Variants in CNTN4 observed in about 807,000 individuals in gnomAD.
CNTN4 encodes the protein contactin-4.
A neutral mutation model predicts 122.5 loss-of-function variants in CNTN4; 77 were observed. The observed-to-expected ratio is 0.63, with a 90% CI of 0.52 to 0.76. CNTN4 has a LOEUF of 0.76. Among genes scored for constraint, CNTN4 ranks in the 30% least tolerant of loss-of-function variants. CNTN4 has a pLI of 0.00. For synonymous variants in CNTN4, 512 were observed against 447.0 expected (o/e 1.15, Z -1.83); for missense variants, 1,256 against 1,259.1 (o/e 1.00, Z 0.04).
chr3:2,928,605 AG>A (rs1352889093), intron 13 of CNTN4, among the ~76,000 whole-genome samples: 1 of 152,214 alleles, frequency 6.6e-6, no homozygotes, highest in Admixed American at 6.5e-5. Flanking sequence ...AGGAAACAAA[AG>A]GCAAGTCTTT....
intron 2 of CNTN4, among the ~76,000 whole-genome samples, chr3:2,286,647 T>A (rs1472706416): frequency 2.0e-5 from 3 of 152,174 alleles, no homozygotes; most frequent in Non-Finnish European, 4.4e-5. Flanking sequence ...GTTATGTATG[T>A]TTACAACAGA....
chr3:2,317,749 G>A (rs2043153961), intron 2 of CNTN4, among the ~76,000 whole-genome samples: 1 of 152,158 alleles, frequency 6.6e-6, no homozygotes, highest in African/African-American at 2.4e-5. Flanking sequence ...TAAAATGCTA[G>A]GTAGGAGACA....
chr3:2,552,720 TG>T (rs1296486467), intron 3 of CNTN4, among the ~76,000 whole-genome samples: 1 of 152,018 alleles, frequency 6.6e-6, no homozygotes. Context: ...AGGTATGGGG[TG>T]GAGAAAACTG....
In CNTN4 at chr3:2,670,015, A is replaced by C. The variant is rs1014986747; in HGVS notation, c.56-66200A>C. 5.3e-5 allele frequency among the ~76,000 whole-genome samples: 8 copies of C among 152,268 alleles called. 1 individual carries two copies. The highest frequency in any genetic ancestry group is 3.9e-4 in the East Asian group (2 of 5,184). Reference sequence around the variant, plus strand: ...GCTGAGGAGTGCTTTACTTCCACCTATGTGGTCAATTTTGGAATAAGTGTG... The same window carrying C: ...GCTGAGGAGTGCTTTACTTCCACCTCTGTGGTCAATTTTGGAATAAGTGTG... On this transcript the variant is annotated intron_variant, in intron 4 of 24. Transcript: ENST00000418658.
At chr3:2,691,716 CAT>C (rs569280341) in intron 4 of CNTN4, among the ~76,000 whole-genome samples, 5 of 152,242 alleles carry the variant, frequency 3.3e-5, no homozygotes, top group South Asian at 2.1e-4. Flanking sequence ...TAAGTTAAAA[CAT>C]ATGTATTTTG....
chr3:2,599,488 A>C (rs765086876), intron 4 of CNTN4, among the ~76,000 whole-genome samples: 1 of 152,116 alleles, frequency 6.6e-6, no homozygotes, highest in Non-Finnish European at 1.5e-5. Context: ...CTTAAACTAA[A>C]CCTTCTTTTG....
At chr3:2,926,507 C>G (rs2151381443) in intron 13 of CNTN4, among the ~76,000 whole-genome samples, 1 of 152,218 alleles carries the variant, frequency 6.6e-6, no homozygotes, top group Middle Eastern at 3.4e-3. Context: ...CTACCTTTTT[C>G]TATAATCTAC....
In CNTN4 at chr3:2,546,660, T is replaced by A. The variant is rs534533143; in HGVS notation, c.-88-24756T>A. ...TACTCCTGAACCAAAAATGAAAATT[T>A]AAAAAAAACAAAATATGAACAAAGT... is the stretch of plus-strand genomic sequence containing the variant. On this transcript the variant is annotated intron_variant, in intron 3 of 24. Coordinates refer to ENST00000418658, the MANE Select transcript of CNTN4 (RefSeq NM_175607.3). Among the ~76,000 whole-genome samples the A allele has an allele frequency of 3.8e-4, 58 of 151,798 alleles. No homozygotes were observed. The South Asian group carries it at 8.5e-3, about 22-fold the overall frequency.
At chr3:3,040,392 G>A in intron 20 of CNTN4, 121 bp downstream of exon 20, 1 of 781,134 alleles carries the variant, frequency 1.3e-6, no homozygotes, top group Non-Finnish European at 2.2e-6. Flanking sequence ...CCTGATTTGA[G>A]AAGAGGATAA....
chr3:2,755,258 A>G (rs1223647479), intron 6 of CNTN4, among the ~76,000 whole-genome samples: 1 of 152,202 alleles, frequency 6.6e-6, no homozygotes, highest in Non-Finnish European at 1.5e-5. Flanking sequence ...CTACTTTTTA[A>G]TTTGGAAAGC....
rs150868278 is a variant in CNTN4 at position 2,832,484 on chromosome 3, T to C, written c.454+12903T>C. 6.9e-3 allele frequency among the ~76,000 whole-genome samples: 1,051 copies of C among 152,110 alleles called. 18 individuals carry two copies. Among genetic ancestry groups the C allele is most frequent in the African/African-American group, 0.023 (950 of 41,514 alleles). On this transcript the variant is annotated intron_variant, in intron 7 of 24. Transcript: ENST00000418658. ...GTAAAATAGAAGGACATCATGTGGATTGGGGAGTCAGAGAAGGCTTCCTTG... is the reference window on the plus strand; with the variant it reads ...GTAAAATAGAAGGACATCATGTGGACTGGGGAGTCAGAGAAGGCTTCCTTG...
chr3:2,288,041 C>T (rs372394470), intron 2 of CNTN4, among the ~76,000 whole-genome samples: 5 of 151,952 alleles, frequency 3.3e-5, no homozygotes, highest in Admixed American at 2.6e-4. Flanking sequence ...GAAACATAGG[C>T]GTTTCACAAT....
At chr3:2,552,000 T>G (rs1250723876) in intron 3 of CNTN4, among the ~76,000 whole-genome samples, 1 of 152,174 alleles carries the variant, frequency 6.6e-6, no homozygotes, top group Non-Finnish European at 1.5e-5. Context: ...TACCTTTTCT[T>G]TCTTTTCATG....
chr3:2,516,915 G>A (rs1394130887), intron 3 of CNTN4, among the ~76,000 whole-genome samples: 1 of 151,836 alleles, frequency 6.6e-6, no homozygotes, highest in African/African-American at 2.4e-5. Context: ...TGAGTGCCCT[G>A]CAAGCAAGCA....
chr3:2,854,363 C>G (rs2150705978), intron 7 of CNTN4, among the ~76,000 whole-genome samples: 1 of 146,898 alleles, frequency 6.8e-6, no homozygotes, highest in Admixed American at 7.0e-5. Context: ...AACTTCACCT[C>G]CCCGGTTCAA....
In CNTN4 at chr3:2,826,419, T is replaced by C. The variant is rs1400206; in HGVS notation, c.454+6838T>C. 8.1e-3 allele frequency among the ~76,000 whole-genome samples: 1,228 copies of C among 152,258 alleles called. 20 individuals are homozygous for C. Among genetic ancestry groups the C allele is most frequent in the African/African-American group, 0.028 (1,143 of 41,546 alleles). On this transcript the variant is annotated intron_variant, in intron 7 of 24. Coordinates refer to ENST00000418658, the MANE Select transcript of CNTN4 (RefSeq NM_175607.3). ...TTTTACGTGGACATACCCATACAGA[T>C]TATAACCACAGCCCTTAAAAGAAGC...
chr3:2,416,908 C>A (rs576526906), intron 3 of CNTN4, among the ~76,000 whole-genome samples: 2 of 152,146 alleles, frequency 1.3e-5, no homozygotes, highest in South Asian at 2.1e-4. Context: ...CCTGCCTCAG[C>A]CTCCCAAAGT....
chr3:2,678,311 A>T (rs548278437), intron 4 of CNTN4, among the ~76,000 whole-genome samples: 6 of 152,100 alleles, frequency 3.9e-5, no homozygotes, highest in Admixed American at 1.3e-4. Context: ...TCGTAAAAAA[A>T]TTTTTTTGAT....
intron 3 of CNTN4, among the ~76,000 whole-genome samples, chr3:2,439,178 G>A (rs932766715): frequency 6.6e-6 from 1 of 152,152 alleles, no homozygotes; most frequent in Non-Finnish European, 1.5e-5. Context: ...AGAGCATTAG[G>A]ACATTAGATG....
Sources: gnomAD v4.1 joint callset for allele counts (sites outside exome capture counted in the v4.1 genomes callset) on GRCh38, gnomAD v4.1.1 for gene constraint, MANE v1.5 for transcripts, NCBI Gene and HGNC (gene_info 2026-07-23, HGNC 2026-07-21) for gene names.